The following MDN1 variants were observed in gnomAD, a reference collection of about 807,000 sequenced individuals.
The protein encoded by MDN1 is midasin.
In MDN1, 266 loss-of-function variants were observed where a neutral mutation model predicts 669.2. The ratio of observed to expected loss-of-function variants is 0.40; its 90% CI spans 0.36 to 0.44. The LOEUF is 0.44. Among genes scored for constraint, MDN1 ranks in the 20% least tolerant of loss-of-function variants. The probability of loss-of-function intolerance (pLI) is 1.00; values close to 1 mark genes in which losing one functional copy is unlikely to be tolerated. For synonymous variants in MDN1, 2,385 were observed against 2,457.1 expected (o/e 0.97, Z 0.87); for missense variants, 5,940 against 6,754.0 (o/e 0.88, Z 4.22).
Position 89,790,394 on chromosome 6 carries a change from T to C in MDN1, c.863A>G (p.Asn288Ser). Residue 288 changes from asparagine to serine, a missense_variant, in exon 6 of 102, where the codon AAT (asparagine) becomes AGT (serine). By Grantham distance (46) the Asn-to-Ser change is conservative (BLOSUM62 1). Around this residue, in one of 5 missense-constraint regions of MDN1, gnomAD observed 1,203 missense variants for 1,268.9 expected, o/e 0.95. Transcript: ENST00000369393. ...QLPAPGELGG[N>S]RSSSREQELA... ...CTCCTGTTCACGTGAAGAACTCCTA[T>C]TACCACCCTAAAGAGGCAAGACAAA... The C allele has an allele frequency of 1.2e-6, 2 of 1,613,730 alleles. No individual in the cohort carries two copies. Among genetic ancestry groups the C allele is most frequent in the Non-Finnish European group, 8.5e-7 (1 of 1,179,946 alleles).
Position 89,714,534 on chromosome 6 carries a change from G to T in MDN1, c.7069+9C>A. The T allele has an allele frequency of 1.6e-5, 26 of 1,576,690 alleles. No individual in the cohort carries two copies. Among genetic ancestry groups the T allele is most frequent in the Non-Finnish European group, 2.2e-5 (26 of 1,162,578 alleles). On this transcript the variant is annotated intron_variant, in intron 46 of 101. Transcript: ENST00000369393. ...AACTCTGCAAAGGCCCAAAAGTCAAGCACCTCACCTACAACAGTGCTCCGG... is the reference window on the plus strand; with the variant it reads ...AACTCTGCAAAGGCCCAAAAGTCAATCACCTCACCTACAACAGTGCTCCGG...
intron 1 of MDN1, among the ~76,000 whole-genome samples, chr6:89,816,798 C>T (rs555004429): frequency 2.6e-5 from 4 of 151,918 alleles, no homozygotes; most frequent in Non-Finnish European, 5.9e-5. Flanking sequence ...CCTCAGCCAC[C>T]TGAGTAGCTG....
At chr6:89,753,768 G>C in intron 21 of MDN1, 146 bp from the exon 22 acceptor site, 1 of 719,710 alleles carries the variant, frequency 1.4e-6, no homozygotes, top group Non-Finnish European at 2.3e-6. Flanking sequence ...GGAAGGGTAG[G>C]CCAGGCACGG....
chr6:89,751,244 A>T lies in MDN1; in HGVS notation c.3227+187T>A, dbSNP rs1031832367. 9.5e-6 allele frequency: 6 copies of T among 631,260 alleles called. No homozygotes were observed. The African/African-American group carries it at 1.1e-4, about 12-fold the overall frequency. The allele number at this position is 631,260 out of a possible 1,614,324, so 39.1% of individuals were successfully genotyped here. On this transcript the variant is annotated intron_variant, in intron 23 of 101. Coordinates refer to ENST00000369393, the MANE Select transcript of MDN1 (RefSeq NM_014611.3). ...CATCTGCATCCATAGTGCTCCCTCC[A>T]AAGTTGCACAACTAGAAACAAAGTT...
chr6:89,676,232 A>C (rs374003287), intron 76 of MDN1, 25 bp from the exon 77 acceptor site: 1 of 1,607,462 alleles, frequency 6.2e-7, no homozygotes, highest in African/African-American at 1.3e-5. Context: ...AACATTGTTT[A>C]CTTAATTAAA....
rs1811773016 is a variant in MDN1, at chr6:89,683,318, T to C, written c.11916A>G (p.Lys3972=). 1 of 1,613,996 alleles carries C rather than the reference T, an allele frequency of 6.2e-7. No individual in the cohort carries two copies. The highest frequency in any genetic ancestry group is 1.7e-5 in the Admixed American group (1 of 59,998). The stretch of plus-strand genomic sequence containing the variant: ...GGACTGCTTCAAATTTCTTCATGAA[T>C]TTAAAGAGTGTCCTGTCCCCAGGTA... ...SVEKTHRTLF[K]FMKKFEAVLS... Residue 3972 remains lysine, a synonymous_variant, in exon 73 of 102, where the codon AAA becomes AAG. Transcript: ENST00000369393.
At chr6:89,801,857 G>A (rs1197207812) in intron 2 of MDN1, among the ~76,000 whole-genome samples, 2 of 151,772 alleles carry the variant, frequency 1.3e-5, no homozygotes, top group Non-Finnish European at 2.9e-5. Context: ...AGCTACTCAG[G>A]AGGCTAAGGC....
rs772407452 is a variant in MDN1, at chr6:89,749,206, C to T, written c.3762+17G>A. ...ATCACCAAGTATAATCAATACATTC[C>T]ATTTGAAACTAAGTACCTGAAGATC... On this transcript the variant is annotated intron_variant, in intron 26 of 101. Transcript: ENST00000369393. 5.0e-6 allele frequency: 8 copies of T among 1,611,862 alleles called. No individual in the cohort carries two copies. In the East Asian group the frequency reaches 1.8e-4, roughly 36 times the overall value.
At chr6:89,756,081 T>A (rs1048287641) in intron 20 of MDN1, among the ~76,000 whole-genome samples, 196 bp downstream of exon 20, 2 of 152,230 alleles carry the variant, frequency 1.3e-5, no homozygotes, top group African/African-American at 4.8e-5. Flanking sequence ...ATTCATAGCT[T>A]TCTATGTAAT....
chr6:89,813,738 C>T, intron 1 of MDN1, among the ~76,000 whole-genome samples: 1 of 151,714 alleles, frequency 6.6e-6, no homozygotes, highest in South Asian at 2.1e-4. Context: ...GCAGGGGAAG[C>T]ATTAAAGCAT....
At chr6:89,706,741 GA>G (rs1191022208) in intron 52 of MDN1, among the ~76,000 whole-genome samples, 4 of 151,298 alleles carry the variant, frequency 2.6e-5, no homozygotes, top group Non-Finnish European at 3.0e-5. Context: ...AGATTATAAA[GA>G]AAAAAATGTA....
chr6:89,794,525 G>A, intron 3 of MDN1, 52 bp downstream of exon 3: 2 of 1,516,036 alleles, frequency 1.3e-6, no homozygotes, highest in Non-Finnish European at 1.8e-6. Context: ...CTCCACACAT[G>A]CCCTGTACCA....
At chr6:89,788,090 G>A in intron 7 of MDN1, 133 bp from the exon 8 acceptor site, 5 of 758,474 alleles carry the variant, frequency 6.6e-6, no homozygotes, top group Non-Finnish European at 1.1e-5. Context: ...TCCAAACTGG[G>A]GTCAGTATGC....
In MDN1 at chr6:89,674,388, G is replaced by A. The variant is rs1470563791; in HGVS notation, c.12963C>T (p.Gly4321=). The A allele has an allele frequency of 1.9e-6, 3 of 1,614,090 alleles. No homozygotes were observed. The highest frequency in any genetic ancestry group is 2.5e-6 in the Non-Finnish European group (3 of 1,180,030). Residue 4321 remains glycine, a synonymous_variant, in exon 79 of 102, where the codon GGC becomes GGT. Coordinates refer to ENST00000369393, the MANE Select transcript of MDN1 (RefSeq NM_014611.3). ...CPSVGPAPGH[G]NVQVLGQPPG... ...GAGGCTGCCCCAGTACCTGGACATT[G>A]CCATGGCCTGGAGCTGGCCCTACAC...
chr6:89,781,053 T>A lies in MDN1; in HGVS notation c.1643+346A>T, dbSNP rs112865454. ...AGATAGCGAAATCCAAGAAGACTTA[T>A]TTAAGACTCCAAGTGTCAGAAAAGG... On this transcript the variant is annotated intron_variant, in intron 10 of 101. Transcript: ENST00000369393. Among the ~76,000 whole-genome samples, 10 of 152,004 alleles carry A rather than the reference T, an allele frequency of 6.6e-5. No individual in the cohort carries two copies. In the East Asian group the frequency reaches 1.9e-3, roughly 29 times the overall value.
In MDN1 at chr6:89,724,947, C is replaced by T. The variant is rs116706998; in HGVS notation, c.5670+252G>A. Among the ~76,000 whole-genome samples, 931 of 152,278 alleles carry T rather than the reference C, an allele frequency of 6.1e-3. 9 individuals are homozygous for T. The highest frequency in any genetic ancestry group is 0.02 in the African/African-American group (838 of 41,540). On this transcript the variant is annotated intron_variant, in intron 38 of 101. Transcript: ENST00000369393. ...TGGACTTCATCCCAGAGTGCAGTCACAGAATCCTGAAAAGGCTGGGGACCT... is the reference window on the plus strand; with the variant it reads ...TGGACTTCATCCCAGAGTGCAGTCATAGAATCCTGAAAAGGCTGGGGACCT...
rs1817611806 is a variant in MDN1 at position 89,762,588 on chromosome 6, A to G, written c.2145-58T>C. ...ACTTCTGAAGTTAACAGAAGTTAGA[A>G]AGCATGGCTCAGAAAACAGGAGTAG... On this transcript the variant is annotated intron_variant, in intron 15 of 101. Coordinates refer to ENST00000369393, the MANE Select transcript of MDN1 (RefSeq NM_014611.3). 2.3e-6 allele frequency: 3 copies of G among 1,322,988 alleles called. No individual in the cohort carries two copies. In the Admixed American group the frequency reaches 6.2e-5, roughly 28 times the overall value. The allele number at this position is 1,322,988 out of a possible 1,614,324, so 82.0% of individuals were successfully genotyped here. A position where few individuals can be genotyped will look rare whatever the true frequency, so the allele number is the denominator to read the frequency against.
chr6:89,656,383 A>G (rs1347238480), intron 91 of MDN1, among the ~76,000 whole-genome samples: 1 of 152,184 alleles, frequency 6.6e-6, no homozygotes. Context: ...TACTCTTAAA[A>G]AAGCAAAAGC....
At chr6:89,687,237 G>C in intron 68 of MDN1, 107 bp downstream of exon 68, 1 of 1,202,042 alleles carries the variant, frequency 8.3e-7, no homozygotes, top group Non-Finnish European at 1.2e-6. Flanking sequence ...TAACTGAAAA[G>C]CACATTCTGT....
Sources: gnomAD v4.1 joint callset for allele counts (sites outside exome capture counted in the v4.1 genomes callset) on GRCh38, gnomAD v4.1.1 for gene constraint, gnomAD v4.1.1 regional missense constraint, MANE v1.5 for transcripts, NCBI Gene and HGNC (gene_info 2026-07-23, HGNC 2026-07-21) for gene names.